UNC13C: variants seen among roughly 807,000 people sequenced by gnomAD.
UNC13C encodes unc-13 homolog C.
In UNC13C, 174 loss-of-function variants were observed where a neutral mutation model predicts 245.4. That is an observed-to-expected ratio of 0.71 (90% CI 0.63 to 0.80). UNC13C has a LOEUF of 0.80. Ranked by LOEUF, UNC13C falls within the 30% of genes least tolerant of loss-of-function variation. The probability of loss-of-function intolerance (pLI) is 0.00; values close to 1 mark genes in which losing one functional copy is unlikely to be tolerated. For synonymous variants in UNC13C, 992 were observed against 895.1 expected (o/e 1.11, Z -1.93); for missense variants, 2,829 against 2,602.9 (o/e 1.09, Z -1.89).
chr15:53,841,564 A>G, the UNC13C span, among the ~76,000 whole-genome samples: 1 of 152,174 alleles, frequency 6.6e-6, no homozygotes, highest in Non-Finnish European at 1.5e-5. Context: ...GAATAAGTAT[A>G]TGAAAAAATT....
intron 29 of UNC13C, among the ~76,000 whole-genome samples, chr15:54,565,809 C>T (rs966311327): frequency 2.0e-5 from 3 of 151,846 alleles, no homozygotes; most frequent in Non-Finnish European, 4.4e-5. Context: ...TAAAGTAGCC[C>T]AAGGACAATG....
At chr15:53,840,906 G>C in the UNC13C span, among the ~76,000 whole-genome samples, 9 of 152,172 alleles carry the variant, frequency 5.9e-5, no homozygotes, top group Admixed American at 2.6e-4. Context: ...ATGAGGCATA[G>C]CATGGGTACA....
chr15:54,108,291 A>G (rs559013123), intron 2 of UNC13C, among the ~76,000 whole-genome samples: 60 of 152,024 alleles, frequency 3.9e-4, no homozygotes, highest in Non-Finnish European at 5.6e-4. Context: ...GGTTCAAGCT[A>G]TTCTCCTGCC....
intron 2 of UNC13C, among the ~76,000 whole-genome samples, chr15:54,074,879 C>T (rs34376978): frequency 0.19 from 28,807 of 148,490 alleles, 2,910 homozygotes; most frequent in Admixed American, 0.3. Context: ...CTTTATCTTG[C>T]CTGATTGCCC....
chr15:54,413,934 A>T (rs2040466387), intron 18 of UNC13C, among the ~76,000 whole-genome samples: 1 of 152,224 alleles, frequency 6.6e-6, no homozygotes, highest in Non-Finnish European at 1.5e-5. Flanking sequence ...CTAGTCTTAC[A>T]TTCTGGCATG....
the UNC13C span, among the ~76,000 whole-genome samples, chr15:53,941,959 A>G: frequency 6.6e-6 from 1 of 152,148 alleles, no homozygotes; most frequent in African/African-American, 2.4e-5. Flanking sequence ...TGTTGGTGGG[A>G]GTGTAAATTA....
chr15:54,007,933 T>G (rs554138596), intron 1 of UNC13C, among the ~76,000 whole-genome samples: 129 of 152,322 alleles, frequency 8.5e-4, no homozygotes, highest in South Asian at 3.9e-3. Context: ...CTTCTTTGTC[T>G]GTCTTGAAAG....
chr15:54,115,792 G>T (rs1349140145), intron 2 of UNC13C, among the ~76,000 whole-genome samples: 2 of 151,944 alleles, frequency 1.3e-5, no homozygotes, highest in East Asian at 3.9e-4. Flanking sequence ...GAGGACAGTA[G>T]GGATACTGAG....
chr15:54,362,543 C>G (rs112013929), intron 17 of UNC13C, among the ~76,000 whole-genome samples: 3 of 152,224 alleles, frequency 2.0e-5, no homozygotes, highest in Middle Eastern at 3.4e-3. Flanking sequence ...TATATTCCAC[C>G]ATCATGCTGA....
intron 19 of UNC13C, among the ~76,000 whole-genome samples, chr15:54,437,265 T>C (rs1488386684): frequency 6.6e-6 from 1 of 152,004 alleles, no homozygotes. Context: ...ATTATGCTCA[T>C]AATATTTTAG....
At chr15:54,386,810 T>G (rs2039847823) in intron 17 of UNC13C, among the ~76,000 whole-genome samples, 1 of 152,080 alleles carries the variant, frequency 6.6e-6, no homozygotes, top group Non-Finnish European at 1.5e-5. Flanking sequence ...GAGGTAGCAT[T>G]AGGTGGTAAG....
At chr15:54,257,200 T>C (rs1339121029) in intron 8 of UNC13C, among the ~76,000 whole-genome samples, 1 of 152,210 alleles carries the variant, frequency 6.6e-6, no homozygotes, top group Non-Finnish European at 1.5e-5. Flanking sequence ...AAGAAAAATA[T>C]CTTCCTCCTG....
Position 54,322,062 on chromosome 15 carries a change from T to C in UNC13C, c.4392T>C (p.Ser1464=). ...CAGTTTCAACAAACATACAGGTTTC[T>C]GCCTCAGATCGATTTGCTGCTACCA... ...HTTVSTNIQV[S]ASDRFAATNF... is the part of the protein sequence containing the mutation. The change falls in exon 14 of 33, where the codon TCT becomes TCC. Residue 1464 remains serine, a synonymous_variant. Coordinates refer to ENST00000260323, the MANE Select transcript of UNC13C (RefSeq NM_001080534.3). 1.9e-6 allele frequency: 3 copies of C among 1,586,308 alleles called. No individual in the cohort carries two copies. The highest frequency in any genetic ancestry group is 2.6e-6 in the Non-Finnish European group (3 of 1,165,876).
chr15:54,153,164 T>A (rs533154527), intron 4 of UNC13C, among the ~76,000 whole-genome samples: 33 of 152,134 alleles, frequency 2.2e-4, no homozygotes, highest in Non-Finnish European at 4.6e-4. Context: ...TGCACTGTAA[T>A]CCATATTTTC....
chr15:54,326,816 G>A (rs149304326), intron 14 of UNC13C, among the ~76,000 whole-genome samples: 84 of 152,176 alleles, frequency 5.5e-4, no homozygotes, highest in East Asian at 5.8e-4. Context: ...ACAGTGGTAT[G>A]CTACAACTGG....
Position 54,057,425 on chromosome 15 carries a change from T to C in UNC13C, c.2983+41539T>C, listed in dbSNP as rs62009791. Among the ~76,000 whole-genome samples, 7 of 151,212 alleles carry C rather than the reference T, an allele frequency of 4.6e-5. No individual in the cohort carries two copies. In the South Asian group the frequency reaches 6.4e-4, roughly 14 times the overall value. ...AGAAGAGCTAACTATCCTAAATATA[T>C]ATGCACCCAATACAGGAGCACCCAG... On this transcript the variant is annotated intron_variant, in intron 2 of 32. Transcript: ENST00000260323.
intron 2 of UNC13C, among the ~76,000 whole-genome samples, chr15:54,105,262 G>T (rs1446753581): frequency 6.6e-6 from 1 of 152,080 alleles, no homozygotes; most frequent in Non-Finnish European, 1.5e-5. Flanking sequence ...CAGTCTAACT[G>T]CCCGTGATGG....
chr15:54,406,967 T>C (rs761349348), intron 18 of UNC13C, among the ~76,000 whole-genome samples: 4 of 152,016 alleles, frequency 2.6e-5, no homozygotes, highest in Non-Finnish European at 5.9e-5. Context: ...TGTCAAGAAA[T>C]AATAAATAAT....
the UNC13C span, among the ~76,000 whole-genome samples, chr15:53,927,244 GT>G: frequency 3.9e-5 from 6 of 152,276 alleles, no homozygotes; most frequent in Non-Finnish European, 7.4e-5. Context: ...TGGAGTCCAC[GT>G]TTTTAACCAC....
Sources: gnomAD v4.1 joint callset for allele counts (sites outside exome capture counted in the v4.1 genomes callset) on GRCh38, gnomAD v4.1.1 for gene constraint, MANE v1.5 for transcripts, NCBI Gene and HGNC (gene_info 2026-07-23, HGNC 2026-07-21) for gene names.